Variants in SMOX observed in about 807,000 individuals in gnomAD.
SMOX encodes spermine oxidase.
In SMOX, 22 loss-of-function variants were observed where a neutral mutation model predicts 51.0. The observed-to-expected ratio is 0.43, with a 90% CI of 0.31 to 0.62. The LOEUF (loss-of-function observed/expected upper bound fraction) is 0.62, where lower values mean the gene tolerates loss of function less well. Among genes scored for constraint, SMOX ranks in the 20% least tolerant of loss-of-function variants. The pLI is 0.10. For synonymous variants in SMOX, 282 were observed against 307.8 expected (o/e 0.92, Z 0.88); for missense variants, 566 against 777.7 (o/e 0.73, Z 3.24).
intron 1 of SMOX, among the ~76,000 whole-genome samples, chr20:4,151,891 G>T (rs1413715975): frequency 6.6e-6 from 1 of 152,212 alleles, no homozygotes; most frequent in African/African-American, 2.4e-5. Flanking sequence ...CTGGCATGTA[G>T]CTGATGCCCA....
intron 1 of SMOX, among the ~76,000 whole-genome samples, chr20:4,159,403 C>G (rs375448740): frequency 6.6e-6 from 1 of 152,198 alleles, no homozygotes; most frequent in Non-Finnish European, 1.5e-5. Context: ...TGAGCCACTG[C>G]GCCCAGCTGC....
At position 4,187,627 on chromosome 20, in the gene SMOX, G is replaced by T; in HGVS notation, c.*220G>T. 1.7e-6 allele frequency: 1 copy of T among 573,062 alleles called. No homozygotes were observed. The highest frequency in any genetic ancestry group is 3.0e-6 in the Non-Finnish European group (1 of 336,918). The allele number at this position is 573,062 out of a possible 1,614,324, so 35.5% of individuals were successfully genotyped here. A position where few individuals can be genotyped will look rare whatever the true frequency, so the allele number is the denominator to read the frequency against. On this transcript the variant is annotated 3_prime_UTR_variant, in exon 7 of 7. Coordinates refer to ENST00000305958, the MANE Select transcript of SMOX (RefSeq NM_175839.3). The surrounding 1 kb of genome is among the most constrained non-coding windows in gnomAD (Gnocchi z 4.8). The stretch of plus-strand genomic sequence containing the variant: ...TTGAGTTACCTCTGTGCTGGATCCC[G>T]TGCCCCCACTTGCCTACCCTCTGTC...
chr20:4,177,240 C>T lies in SMOX; in HGVS notation c.209-111C>T. The T allele has an allele frequency of 1.1e-6, 1 of 950,708 alleles. No homozygotes were observed. The highest frequency in any genetic ancestry group is 1.6e-6 in the Non-Finnish European group (1 of 639,448). 58.9% of individuals were successfully genotyped at this position (950,708 alleles called of 1,614,324 possible). On this transcript the variant is annotated intron_variant, in intron 2 of 6. Transcript: ENST00000305958. This position sits in a 1 kb window ranked among gnomAD's most constrained non-coding sequence, Gnocchi z 4.3. The stretch of plus-strand genomic sequence containing the variant: ...CAGCAGTGGAAGTTCAAGCTCTTTC[C>T]TGCCCTGTTGTAGGGTGGAAAGACC...
At chr20:4,161,704 C>T (rs879275964) in intron 1 of SMOX, among the ~76,000 whole-genome samples, 12 of 152,224 alleles carry the variant, frequency 7.9e-5, no homozygotes, top group Non-Finnish European at 1.6e-4. Flanking sequence ...AGTTAGTTTC[C>T]TGTCTCCCCG....
At chr20:4,175,563 C>T (rs1600816998) in intron 2 of SMOX, among the ~76,000 whole-genome samples, 1 of 152,148 alleles carries the variant, frequency 6.6e-6, no homozygotes, top group Non-Finnish European at 1.5e-5. Flanking sequence ...GTTTCTATTT[C>T]ACAAGAAGTG....
intron 1 of SMOX, among the ~76,000 whole-genome samples, chr20:4,165,157 T>TGATTCTCCTGCCTCAGCC (rs1239533436): frequency 1.2e-4 from 18 of 149,052 alleles, no homozygotes; most frequent in Non-Finnish European, 8.9e-5. Flanking sequence ...GAGGTTCAAG[T>TGATTCTCCTGCCTCAGCC]GATTCTCCTG....
rs1986760128 is a variant in SMOX, at chr20:4,170,132, G to A, written c.-26-4898G>A. ...GGGGCTGGGAGATTGAGACCCGCAT[G>A]GGTGAGGCTCACATAGAGGAGGCGG... On this transcript the variant is annotated intron_variant, in intron 1 of 6. Transcript: ENST00000305958. The surrounding 1 kb of genome is among the most constrained non-coding windows in gnomAD (Gnocchi z 4.6). Among the ~76,000 whole-genome samples the A allele has an allele frequency of 6.6e-6, 1 of 151,776 alleles. No individual in the cohort carries two copies. Among genetic ancestry groups the A allele is most frequent in the Non-Finnish European group, 1.5e-5 (1 of 67,940 alleles).
At position 4,148,972 on chromosome 20, in the gene SMOX, G is replaced by A. The variant is rs1362518027; in HGVS notation, c.-32G>A. The A allele has an allele frequency of 6.6e-6, 1 of 151,814 alleles. No homozygotes were observed. Among genetic ancestry groups the A allele is most frequent in the Non-Finnish European group, 1.5e-5 (1 of 67,900 alleles). The allele number at this position is 151,814 out of a possible 1,614,324, so 9.4% of individuals were successfully genotyped here. ...CAGACTTACTTCCCCGGCTCAGCAG[G>A]GAAAGGTACGGTGCGCCCGCTCTCC... On this transcript the variant is annotated 5_prime_UTR_variant, in exon 1 of 7. Coordinates refer to ENST00000305958, the MANE Select transcript of SMOX (RefSeq NM_175839.3).
intron 1 of SMOX, among the ~76,000 whole-genome samples, chr20:4,157,959 G>A (rs1457907446): frequency 2.6e-5 from 4 of 152,002 alleles, no homozygotes; most frequent in Non-Finnish European, 4.4e-5. Flanking sequence ...GGAGTGCAGC[G>A]GCGCGATCTC....
At chr20:4,171,178 T>C (rs899503616) in intron 1 of SMOX, among the ~76,000 whole-genome samples, 5 of 152,172 alleles carry the variant, frequency 3.3e-5, no homozygotes, top group African/African-American at 1.2e-4. Context: ...GCGGATGTTA[T>C]TTCTTTCTTT....
intron 1 of SMOX, among the ~76,000 whole-genome samples, chr20:4,159,125 A>C (rs112630485): frequency 6.6e-6 from 1 of 151,528 alleles, no homozygotes; most frequent in African/African-American, 2.4e-5. Context: ...TCTTCATTAG[A>C]TTTTTTTTTG....
At position 4,153,156 on chromosome 20, in the gene SMOX, G is replaced by A. The variant is rs1234473497; in HGVS notation, c.-27+4179G>A. Among the ~76,000 whole-genome samples, 1 of 152,156 alleles carries A rather than the reference G, an allele frequency of 6.6e-6. No homozygotes were observed. Among genetic ancestry groups the A allele is most frequent in the Non-Finnish European group, 1.5e-5 (1 of 68,020 alleles). ...TGCCCCACTTTTTCTTCCAGGAGGG[G>A]CTCCGGACCCAGGCCAATGGGTTGG... On this transcript the variant is annotated intron_variant, in intron 1 of 6. Transcript: ENST00000305958. The surrounding 1 kb of genome is among the most constrained non-coding windows in gnomAD (Gnocchi z 4.4).
chr20:4,177,376 C>T lies in SMOX; in HGVS notation c.234C>T (p.Ala78=). 1.3e-6 allele frequency: 2 copies of T among 1,553,132 alleles called. No individual in the cohort carries two copies. The highest frequency in any genetic ancestry group is 2.4e-5 in the South Asian group (2 of 84,116). The change falls in exon 3 of 7, where the codon GCC becomes GCT. Residue 78 remains alanine, a synonymous_variant. Transcript: ENST00000305958. This position sits in a 1 kb window ranked among gnomAD's most constrained non-coding sequence, Gnocchi z 4.3. ...KLGHATFELG[A]TWIHGSHGNP... Reference sequence around the variant, plus strand: ...GACACGCCACCTTTGAGCTGGGAGCCACCTGGATCCATGGCTCCCATGGGA... The same window carrying T: ...GACACGCCACCTTTGAGCTGGGAGCTACCTGGATCCATGGCTCCCATGGGA...
In SMOX at chr20:4,153,420, C is replaced by T. The variant is rs1037879173; in HGVS notation, c.-27+4443C>T. 1.3e-5 allele frequency among the ~76,000 whole-genome samples: 2 copies of T among 152,160 alleles called. No homozygotes were observed. Among genetic ancestry groups the T allele is most frequent in the African/African-American group, 4.8e-5 (2 of 41,428 alleles). The stretch of plus-strand genomic sequence containing the variant: ...GGAGGAAAGGCTTCCCCTGGGATGC[C>T]AGGCTGAGGAACTGGGCCAGGAAGG... On this transcript the variant is annotated intron_variant, in intron 1 of 6. Transcript: ENST00000305958. The surrounding 1 kb of genome is among the most constrained non-coding windows in gnomAD (Gnocchi z 4.4).
At position 4,183,744 on chromosome 20, in the gene SMOX, C is replaced by G. The variant is rs112241330; in HGVS notation, c.1530+90C>G. The G allele has an allele frequency of 4.9e-5, 70 of 1,425,220 alleles. No homozygotes were observed. The African/African-American group carries it at 6.8e-4, about 14-fold the overall frequency. The allele number at this position is 1,425,220 out of a possible 1,614,324, so 88.3% of individuals were successfully genotyped here. ...GGGTGAGGAGGGCTAGGGTAGTGTT[C>G]ACTAAGGGGTGCTCAGGTGAGGCAG... On this transcript the variant is annotated intron_variant, in intron 6 of 6. Transcript: ENST00000305958. The surrounding 1 kb of genome is among the most constrained non-coding windows in gnomAD (Gnocchi z 4.3).
chr20:4,164,026 C>G (rs149459997), intron 1 of SMOX, among the ~76,000 whole-genome samples: 128 of 152,300 alleles, frequency 8.4e-4, no homozygotes, highest in Middle Eastern at 3.4e-3. Flanking sequence ...ATAAATTGTC[C>G]TGTTGTTGCA....
At position 4,181,539 on chromosome 20, in the gene SMOX, TCA is replaced by T. The variant is rs559318501; in HGVS notation, c.436-261_436-260del. Among the ~76,000 whole-genome samples, 175 of 152,306 alleles carry T rather than the reference TCA, an allele frequency of 1.1e-3. No homozygotes were observed. Among genetic ancestry groups the T allele is most frequent in the African/African-American group, 4.0e-3 (165 of 41,570 alleles). On this transcript the variant is annotated intron_variant, in intron 3 of 6. Transcript: ENST00000305958. The surrounding 1 kb of genome is among the most constrained non-coding windows in gnomAD (Gnocchi z 5.6). ...ACAGACTGTATGGGCACCAAATGTT[TCA>T]CATTGTCCTAAGTGAGGGCCCAGCA...
intron 1 of SMOX, among the ~76,000 whole-genome samples, chr20:4,159,017 TA>T (rs10714303): frequency 0.43 from 64,628 of 149,480 alleles, 14,174 homozygotes; most frequent in African/African-American, 0.47. Flanking sequence ...TTTGGAAAAT[TA>T]AAAAAAAAAA....
chr20:4,162,455 C>A (rs570638368), intron 1 of SMOX, among the ~76,000 whole-genome samples: 1 of 152,222 alleles, frequency 6.6e-6, no homozygotes, highest in African/African-American at 2.4e-5. Flanking sequence ...AGTTTCCCTG[C>A]GTGGAGCTCA....
Sources: allele counts gnomAD v4.1 joint callset (sites outside exome capture counted in the v4.1 genomes callset), GRCh38; gene constraint gnomAD v4.1.1; non-coding constraint Gnocchi (gnomAD v3.1); transcripts MANE v1.5; gene names NCBI Gene and HGNC (gene_info 2026-07-23, HGNC 2026-07-21).